The following KRTCAP2 variants were observed in gnomAD, a reference collection of about 807,000 sequenced individuals.
KRTCAP2 encodes the protein keratinocyte associated protein 2, also known as dolichyl-diphosphooligosaccharide--protein glycosyltransferase subunit KCP2.
Under a neutral mutation model 16.5 loss-of-function variants are expected in KRTCAP2, and 10 were observed. The ratio of observed to expected loss-of-function variants is 0.60; its 90% CI spans 0.37 to 1.02. The LOEUF (loss-of-function observed/expected upper bound fraction) is 1.02. Ranked by LOEUF, KRTCAP2 falls within the 50% of genes least tolerant of loss-of-function variation. The pLI, the probability that KRTCAP2 is intolerant of heterozygous loss-of-function variation, is 0.01. For missense variants in KRTCAP2, 152 were observed against 159.6 expected, an observed-to-expected ratio of 0.95 and a Z score of 0.26; for synonymous variants, 68 against 69.8, an observed-to-expected ratio of 0.97 and a Z score of 0.13.
At chr1:155,171,435 A>G in intron 3 of KRTCAP2, 1 of 979,800 alleles carries the variant, frequency 1.0e-6, no homozygotes, top group South Asian at 4.7e-5. Flanking sequence ...AAAAAAAAAA[A>G]GAAGCAAGTG....
chr1:155,172,619 T>A lies in KRTCAP2; in HGVS notation c.169A>T (p.Asn57Tyr). ...LFVFSLTAFN[N>Y]LENLVFGKGF... ...TTGCCAAAGACAAGATTCTCCAGATTATTGAAGGCCTGGTTGAGGGAGTTA... is the reference window on the plus strand; with the variant it reads ...TTGCCAAAGACAAGATTCTCCAGATAATTGAAGGCCTGGTTGAGGGAGTTA... The change falls in exon 3 of 5, where the codon AAT (asparagine) becomes TAT (tyrosine). Residue 57 changes from asparagine to tyrosine, a missense_variant. Asn to Tyr is a moderately radical substitution (Grantham distance 143, BLOSUM62 -2). Transcript: ENST00000295682. 6.2e-7 allele frequency: 1 copy of A among 1,614,184 alleles called. No homozygotes were observed. Among genetic ancestry groups the A allele is most frequent in the Non-Finnish European group, 8.5e-7 (1 of 1,180,044 alleles).
intron 2 of KRTCAP2, 24 bp from the exon 3 acceptor site, chr1:155,172,652 G>C (rs1665295791): frequency 1.2e-6 from 2 of 1,614,048 alleles, no homozygotes; most frequent in Admixed American, 1.7e-5. Flanking sequence ...TTAAGGAGTA[G>C]GGTGTGCAAC....
At chr1:155,172,269 C>A in intron 3 of KRTCAP2, 1 of 1,253,582 alleles carries the variant, frequency 8.0e-7, no homozygotes, top group Middle Eastern at 3.3e-4. Context: ...ACAAGGACCG[C>A]CTCCCAGCGA....
intron 3 of KRTCAP2, chr1:155,171,543 G>T: frequency 1.0e-6 from 1 of 984,828 alleles, no homozygotes; most frequent in Middle Eastern, 5.2e-4. Context: ...TGCGGAGAAA[G>T]CAAGTCCTAG....
chr1:155,173,091 T>C (rs1302778337), intron 1 of KRTCAP2, 130 bp downstream of exon 1: 1 of 994,124 alleles, frequency 1.0e-6, no homozygotes, highest in South Asian at 1.5e-5. Flanking sequence ...AACCCTCCCG[T>C]CCGGTGGAAA....
chr1:155,172,691 G>A, intron 2 of KRTCAP2, 47 bp downstream of exon 2: 1 of 1,614,168 alleles, frequency 6.2e-7, no homozygotes, highest in East Asian at 2.2e-5. Flanking sequence ...GGAAGGGGAA[G>A]GGCACATGCC....
chr1:155,173,132 C>G (rs1665327134), intron 1 of KRTCAP2, 89 bp downstream of exon 1: 1 of 1,215,746 alleles, frequency 8.2e-7, no homozygotes, highest in African/African-American at 1.5e-5. Flanking sequence ...CAGGACACGT[C>G]AGCTCTGTCG....
rs1288700208 is a variant in KRTCAP2 at position 155,172,326 on chromosome 1, T to G, written c.223+239A>C. ...AAATTTGCCTGTTCCCCTCAAACCT[T>G]CCCTGGGAGCTGGCCAGAAGGTACC... On this transcript the variant is annotated intron_variant, in intron 3 of 4. Transcript: ENST00000295682. 4 of 1,371,768 alleles carry G rather than the reference T, an allele frequency of 2.9e-6. No homozygotes were observed. The Admixed American group carries it at 1.2e-4, about 42-fold the overall frequency. The allele number at this position is 1,371,768 out of a possible 1,614,324, so 85.0% of individuals were successfully genotyped here.
In KRTCAP2 at chr1:155,169,560, G is replaced by A; in HGVS notation, c.291C>T (p.Cys97=). The change falls in exon 5 of 5, where the codon TGC becomes TGT. Residue 97 remains cysteine, a splice_region_variant and synonymous_variant. Transcript: ENST00000295682. ...GLIHRVCVTT[C]FIFSMVGLYY... ...ACAGACCAACCATGGAGAAGATGAA[G>A]CTATATGGTGAAGACAGAAAGGTCA... is the stretch of plus-strand genomic sequence containing the variant. 1 of 1,613,844 alleles carries A rather than the reference G, an allele frequency of 6.2e-7. No individual in the cohort carries two copies. The highest frequency in any genetic ancestry group is 1.1e-5 in the South Asian group (1 of 90,958).
Position 155,172,971 on chromosome 1 carries a change from G to C in KRTCAP2, c.5-79C>G, listed in dbSNP as rs149562975. The stretch of plus-strand genomic sequence containing the variant: ...AGCTACGGGCAGATCAGCCGGTCCG[G>C]AAGCTCGGTGGGCCGACCCCCTCCA... On this transcript the variant is annotated intron_variant, in intron 1 of 4. Coordinates refer to ENST00000295682, the MANE Select transcript of KRTCAP2 (RefSeq NM_173852.4). 1.2e-4 allele frequency: 182 copies of C among 1,491,422 alleles called. 1 individual carries two copies. In the African/African-American group the frequency reaches 1.8e-3, roughly 14 times the overall value. 92.4% of individuals were successfully genotyped at this position (1,491,422 alleles called of 1,614,324 possible). A position where few individuals can be genotyped will look rare whatever the true frequency, so the allele number is the denominator to read the frequency against.
At chr1:155,169,700 G>A in intron 4 of KRTCAP2, 91 bp downstream of exon 4, 1 of 1,352,196 alleles carries the variant, frequency 7.4e-7, no homozygotes, top group Non-Finnish European at 1.0e-6. Context: ...AGAGAGGTAG[G>A]TGTGGAAGGA....
chr1:155,169,904 AC>A (rs1167171421), intron 3 of KRTCAP2, 47 bp from the exon 4 acceptor site: 1 of 1,272,232 alleles, frequency 7.9e-7, no homozygotes, highest in Non-Finnish European at 1.1e-6. Flanking sequence ...GAATGGAAAT[AC>A]TAGGCATCTG....
intron 4 of KRTCAP2, 102 bp downstream of exon 4, chr1:155,169,689 G>A (rs911563682): frequency 1.1e-5 from 15 of 1,362,850 alleles, no homozygotes; most frequent in Non-Finnish European, 1.4e-5. Flanking sequence ...GGAGAACAGA[G>A]AGAGAGGTAG....
At chr1:155,171,847 C>CAAAAAAAAAAAAAAAAAAAAAAAAAAA (rs56344097) in intron 3 of KRTCAP2, 1 of 580,226 alleles carries the variant, frequency 1.7e-6, no homozygotes. Flanking sequence ...AGCCTTGTCT[C>CAAAAAAAAAAAAAAAAAAAAAAAAAAA]AAAAAAAAAA....
chr1:155,171,569 T>G, intron 3 of KRTCAP2: 1 of 980,850 alleles, frequency 1.0e-6, no homozygotes, highest in Non-Finnish European at 1.2e-6. Flanking sequence ...GGCAAAGAAA[T>G]GAGGGCAGCC....
At position 155,172,725 on chromosome 1, in the gene KRTCAP2, G is replaced by A. The variant is rs757743596; in HGVS notation, c.159+13C>T. ...CCTACGTGGCCCGCCCCCTCCAACT[G>A]CAGGGAGGATACAGTGAGCGAGAAC... On this transcript the variant is annotated intron_variant, in intron 2 of 4. Coordinates refer to ENST00000295682, the MANE Select transcript of KRTCAP2 (RefSeq NM_173852.4). The A allele has an allele frequency of 5.0e-6, 8 of 1,614,062 alleles. No homozygotes were observed. In the Admixed American group the frequency reaches 5.0e-5, roughly 10 times the overall value.
In KRTCAP2 at chr1:155,169,872, AG is replaced by A. The variant is rs1470755555; in HGVS notation, c.224-16del. The A allele has an allele frequency of 1.3e-5, 20 of 1,559,846 alleles. No individual in the cohort carries two copies. Among genetic ancestry groups the A allele is most frequent in the Middle Eastern group, 1.7e-4 (1 of 6,010 alleles). ...GCACAGGAGAACTAGGGAGGCAAGA[AG>A]AACAAGGAGGGCAACGGTCAGAATG... On this transcript the variant is annotated splice_polypyrimidine_tract_variant and intron_variant, in intron 3 of 4. Coordinates refer to ENST00000295682, the MANE Select transcript of KRTCAP2 (RefSeq NM_173852.4).
Position 155,169,535 on chromosome 1 carries a change from A to T in KRTCAP2, c.316T>A (p.Tyr106Asn). 6.2e-7 allele frequency: 1 copy of T among 1,614,148 alleles called. No homozygotes were observed. Among genetic ancestry groups the T allele is most frequent in the Non-Finnish European group, 8.5e-7 (1 of 1,179,996 alleles). Reference sequence around the variant, plus strand: ...GTGGAGGAGATCTTGTTGATGTAGTACAGACCAACCATGGAGAAGATGAAG... The same window carrying T: ...GTGGAGGAGATCTTGTTGATGTAGTTCAGACCAACCATGGAGAAGATGAAG... ...TCFIFSMVGL[Y>N]YINKISSTLY... Residue 106 changes from tyrosine (Y) to asparagine (N), a missense_variant, in exon 5 of 5, where the codon TAC becomes AAC. By Grantham distance (143) the Tyr-to-Asn change is moderately radical (BLOSUM62 -2). Transcript: ENST00000295682.
Position 155,172,631 on chromosome 1 carries a change from G to C in KRTCAP2, c.160-3C>G. On this transcript the variant is annotated splice_region_variant and splice_polypyrimidine_tract_variant and intron_variant, in intron 2 of 4. Coordinates refer to ENST00000295682, the MANE Select transcript of KRTCAP2 (RefSeq NM_173852.4). The stretch of plus-strand genomic sequence containing the variant: ...AGATTCTCCAGATTATTGAAGGCCT[G>C]GTTGAGGGAGTTAAGGAGTAGGGTG... 3 of 1,614,204 alleles carry C rather than the reference G, an allele frequency of 1.9e-6. No individual in the cohort carries two copies. The highest frequency in any genetic ancestry group is 2.5e-6 in the Non-Finnish European group (3 of 1,180,032).
Sources: gnomAD v4.1 joint callset for allele counts on GRCh38, gnomAD v4.1.1 for gene constraint, MANE v1.5 for transcripts, NCBI Gene and HGNC (gene_info 2026-07-23, HGNC 2026-07-21) for gene names.